The following RGPD4 variants were observed in gnomAD, a reference collection of about 807,000 sequenced individuals.
RGPD4 encodes ranBP2-like and GRIP domain-containing protein 4.
RGPD4 carries 84 observed loss-of-function variants against 141.1 expected under a neutral mutation model. The ratio of observed to expected loss-of-function variants is 0.60; its 90% CI spans 0.50 to 0.71. RGPD4 has a LOEUF of 0.71. RGPD4 is among the 30% of genes least tolerant of loss of function. The pLI is 0.00. For missense variants in RGPD4, 918 were observed against 1,622.4 expected, an observed-to-expected ratio of 0.57 and a Z score of 7.46; for synonymous variants, 298 against 566.8, an observed-to-expected ratio of 0.53 and a Z score of 6.74.
intron 7 of RGPD4, among the ~76,000 whole-genome samples, chr2:107,852,237 C>T (rs968304954): frequency 2.1e-5 from 2 of 93,708 alleles, no homozygotes; most frequent in African/African-American, 8.7e-5. Flanking sequence ...GGCAACAGAG[C>T]GAGACTCCAT....
In RGPD4 at chr2:107,870,831, A is replaced by C. The variant is rs1682879176; in HGVS notation, c.2827A>C (p.Asn943His). 6.2e-7 allele frequency: 1 copy of C among 1,610,238 alleles called. No homozygotes were observed. Among genetic ancestry groups the C allele is most frequent in the East Asian group, 2.2e-5 (1 of 44,866 alleles). The change falls in exon 20 of 23, where the codon AAT becomes CAT. Residue 943 changes from asparagine (N) to histidine (H), a missense_variant. Coordinates refer to ENST00000408999, the MANE Select transcript of RGPD4 (RefSeq NM_182588.3). ...QEKESEKPLE[N>H]DTGFQAQDIS... ...AAAGGAAAGTGAAAAGCCTCTTGAAAATGATACTGGCTTCCAGGCTCAGGA... is the reference window on the plus strand; with the variant it reads ...AAAGGAAAGTGAAAAGCCTCTTGAACATGATACTGGCTTCCAGGCTCAGGA...
rs1682873556 is a variant in RGPD4 at position 107,870,684 on chromosome 2, TCAC to T, written c.2701-19_2701-17del. 1 of 1,572,360 alleles carries T rather than the reference TCAC, an allele frequency of 6.4e-7. No individual in the cohort carries two copies. The highest frequency in any genetic ancestry group is 2.2e-5 in the East Asian group (1 of 44,612). On this transcript the variant is annotated intron_variant, in intron 19 of 22. Transcript: ENST00000408999. ...TTTTGGGCATGTGGATCAAGAAAAT[TCAC>T]CTTCATTTATGTTTCAGGGTTCTTC...
At position 107,871,291 on chromosome 2, in the gene RGPD4, C is replaced by A; in HGVS notation, c.3287C>A (p.Pro1096Gln). ...CTCAAAAACGAGGTCAATGGCAAAC[C>A]AAGAATGCTGATGCGAAGAGAACAA... ...KILKNEVNGK[P>Q]RMLMRREQVL... Residue 1096 changes from proline to glutamine, a missense_variant, in exon 20 of 23, where the codon CCA (proline) becomes CAA (glutamine). Coordinates refer to ENST00000408999, the MANE Select transcript of RGPD4 (RefSeq NM_182588.3). The A allele has an allele frequency of 6.2e-7, 1 of 1,606,950 alleles. No homozygotes were observed. Among genetic ancestry groups the A allele is most frequent in the Non-Finnish European group, 8.5e-7 (1 of 1,179,226 alleles).
At chr2:107,853,452 T>C (rs1171638061) in intron 7 of RGPD4, among the ~76,000 whole-genome samples, 4 of 147,008 alleles carry the variant, frequency 2.7e-5, no homozygotes, top group Admixed American at 2.0e-4. Flanking sequence ...TTTTTTTCCA[T>C]AGGTTATTGC....
In RGPD4 at chr2:107,891,421, G is replaced by T. The variant is rs931724088; in HGVS notation, c.*690G>T. On this transcript the variant is annotated 3_prime_UTR_variant, in exon 23 of 23. Coordinates refer to ENST00000408999, the MANE Select transcript of RGPD4 (RefSeq NM_182588.3). ...TTGTGATTAGAATATGAAGGAAAAA[G>T]CTTTGTTGGTAAAAGTGACATGTTA... is the stretch of plus-strand genomic sequence containing the variant. Among the ~76,000 whole-genome samples, 1 of 109,296 alleles carries T rather than the reference G, an allele frequency of 9.1e-6. No individual in the cohort carries two copies. Among genetic ancestry groups the T allele is most frequent in the Non-Finnish European group, 1.9e-5 (1 of 53,312 alleles). The allele number at this position is 109,296 out of a possible 152,430, so 71.7% of individuals were successfully genotyped here. A position where few individuals can be genotyped will look rare whatever the true frequency, so the allele number is the denominator to read the frequency against.
chr2:107,847,803 C>T (rs1467242958), intron 6 of RGPD4, among the ~76,000 whole-genome samples: 9 of 72,268 alleles, frequency 1.2e-4, no homozygotes, highest in South Asian at 1.3e-3. Context: ...CCAGCCCAGG[C>T]GATAGTGAGA....
rs1682892365 is a variant in RGPD4, at chr2:107,871,082, T to C, written c.3078T>C (p.Asp1026=). ...NTSGDFEKDD[D]AYKTEDSDDI... ...CCGGTGACTTTGAGAAAGATGATGA[T>C]GCCTATAAGACTGAGGACAGCGATG... Residue 1026 remains aspartate (D), a synonymous_variant, in exon 20 of 23, where the codon GAT becomes GAC. Transcript: ENST00000408999. The C allele has an allele frequency of 6.2e-7, 1 of 1,611,086 alleles. No individual in the cohort carries two copies. Among genetic ancestry groups the C allele is most frequent in the Non-Finnish European group, 8.5e-7 (1 of 1,179,832 alleles).
chr2:107,873,430 G>A lies in RGPD4; in HGVS notation c.4924+502G>A, dbSNP rs559105598. 6.9e-4 allele frequency among the ~76,000 whole-genome samples: 97 copies of A among 140,460 alleles called. 1 individual carries two copies. In the East Asian group the frequency reaches 8.0e-3, roughly 12 times the overall value. The allele number at this position is 140,460 out of a possible 152,430, so 92.1% of individuals were successfully genotyped here. ...TCTACTGAAAATACAAAAATGAGCC[G>A]GGCGTGGTGGTGCGTGCCTATAATT... On this transcript the variant is annotated intron_variant, in intron 20 of 22. Coordinates refer to ENST00000408999, the MANE Select transcript of RGPD4 (RefSeq NM_182588.3).
At chr2:107,885,323 T>C (rs1175015711) in intron 22 of RGPD4, among the ~76,000 whole-genome samples, 1 of 152,140 alleles carries the variant, frequency 6.6e-6, no homozygotes, top group Non-Finnish European at 1.5e-5. Context: ...TTTAAGAACG[T>C]TTGCATTTTA....
chr2:107,855,544 G>A (rs1360542287), intron 8 of RGPD4, among the ~76,000 whole-genome samples: 3 of 151,802 alleles, frequency 2.0e-5, no homozygotes, highest in African/African-American at 7.3e-5. Context: ...CATCCCGAGG[G>A]TGCCTCTGTA....
At chr2:107,831,793 G>C (rs927171178) in intron 1 of RGPD4, among the ~76,000 whole-genome samples, 3 of 145,360 alleles carry the variant, frequency 2.1e-5, no homozygotes, top group Non-Finnish European at 4.5e-5. Context: ...GGATAGTCTC[G>C]ATCTCCTGAC....
At chr2:107,831,370 T>C (rs866782926) in intron 1 of RGPD4, among the ~76,000 whole-genome samples, 358 of 143,678 alleles carry the variant, frequency 2.5e-3, no homozygotes, top group African/African-American at 5.4e-3. Flanking sequence ...GCTATGTTGC[T>C]CATCAAATTT....
intron 1 of RGPD4, among the ~76,000 whole-genome samples, chr2:107,833,634 ATT>A: frequency 6.6e-6 from 1 of 150,620 alleles, no homozygotes; most frequent in Non-Finnish European, 1.5e-5. Context: ...AAGTTGTTTA[ATT>A]ATCTTAAGAT....
chr2:107,887,376 G>A (rs1017988462), intron 22 of RGPD4, among the ~76,000 whole-genome samples: 11 of 152,174 alleles, frequency 7.2e-5, no homozygotes, highest in Admixed American at 1.3e-4. Context: ...ATATATACAT[G>A]AGTGTTGGTA....
chr2:107,830,513 A>T (rs1258595850), intron 1 of RGPD4, among the ~76,000 whole-genome samples: 1 of 152,164 alleles, frequency 6.6e-6, no homozygotes, highest in Admixed American at 6.6e-5. Flanking sequence ...ACGATTGGTT[A>T]TTATGGCACC....
intron 22 of RGPD4, among the ~76,000 whole-genome samples, chr2:107,888,475 A>G (rs1161750663): frequency 6.6e-6 from 1 of 150,968 alleles, no homozygotes; most frequent in African/African-American, 2.4e-5. Context: ...CAAGTTGTCC[A>G]TCCCTAAGCA....
rs1456807545 is a variant in RGPD4 at position 107,829,338 on chromosome 2, G to A, written c.72+2253G>A. ...CTCCCGATGGGCGCTGCTCCCTGGCGCGCTCTGTTGAGGCGGCGGCCTCTA... is the reference window on the plus strand; with the variant it reads ...CTCCCGATGGGCGCTGCTCCCTGGCACGCTCTGTTGAGGCGGCGGCCTCTA... On this transcript the variant is annotated intron_variant, in intron 1 of 22. Transcript: ENST00000408999. 2.9e-4 allele frequency among the ~76,000 whole-genome samples: 11 copies of A among 37,370 alleles called. 1 individual carries two copies. The highest frequency in any genetic ancestry group is 1.0e-3 in the African/African-American group (9 of 8,810). 24.5% of individuals were successfully genotyped at this position (37,370 alleles called of 152,430 possible). A position where few individuals can be genotyped will look rare whatever the true frequency, so the allele number is the denominator to read the frequency against.
intron 18 of RGPD4, among the ~76,000 whole-genome samples, chr2:107,867,320 T>C (rs1172490657): frequency 2.0e-5 from 3 of 152,180 alleles, no homozygotes; most frequent in African/African-American, 7.2e-5. Context: ...TAAAATCTGG[T>C]TTAGATGAGC....
chr2:107,849,256 A>G (rs1682047535), intron 7 of RGPD4, among the ~76,000 whole-genome samples: 1 of 94,196 alleles, frequency 1.1e-5, no homozygotes, highest in Admixed American at 1.0e-4. Flanking sequence ...GGGTTTCACC[A>G]TGTTGGCCAG....
Sources: allele counts gnomAD v4.1 joint callset (sites outside exome capture counted in the v4.1 genomes callset), GRCh38; gene constraint gnomAD v4.1.1; transcripts MANE v1.5; gene names NCBI Gene and HGNC (gene_info 2026-07-23, HGNC 2026-07-21).